AGBL4: variants seen among roughly 807,000 people sequenced by gnomAD.
AGBL4 encodes the protein AGBL carboxypeptidase 4, also known as cytosolic carboxypeptidase 6.
A neutral mutation model predicts 66.4 loss-of-function variants in AGBL4; 58 were observed. That is an observed-to-expected ratio of 0.87 (90% CI 0.71 to 1.09). AGBL4 has a LOEUF of 1.09. Among genes scored for constraint, AGBL4 ranks in the 50% least tolerant of loss-of-function variants. The pLI is 0.00. For synonymous variants in AGBL4, 234 were observed against 222.9 expected (o/e 1.05, Z -0.44); for missense variants, 579 against 631.0 (o/e 0.92, Z 0.88).
chr1:48,850,084 G>T (rs557851507), intron 6 of AGBL4, among the ~76,000 whole-genome samples: 96 of 152,264 alleles, frequency 6.3e-4, no homozygotes, highest in Non-Finnish European at 1.2e-3. Context: ...CCCCTGTCTG[G>T]GCTTCAGTGG....
At chr1:50,015,769 A>G (rs1251344412) in intron 1 of AGBL4, among the ~76,000 whole-genome samples, 1 of 152,212 alleles carries the variant, frequency 6.6e-6, no homozygotes, top group Non-Finnish European at 1.5e-5. Flanking sequence ...ACAGTAACTA[A>G]AACAGCATGG....
intron 3 of AGBL4, among the ~76,000 whole-genome samples, chr1:49,322,447 A>G (rs542390414): frequency 2.0e-5 from 3 of 152,360 alleles, no homozygotes; most frequent in African/African-American, 7.2e-5. Flanking sequence ...TCCAAAATTT[A>G]TGTTCACATC....
chr1:50,022,791 C>T (rs989161184), intron 1 of AGBL4, among the ~76,000 whole-genome samples: 6 of 152,106 alleles, frequency 3.9e-5, no homozygotes, highest in Admixed American at 3.9e-4. Flanking sequence ...CTTTTCTACC[C>T]ACACACCCAT....
chr1:48,909,770 T>C (rs1412313310), intron 5 of AGBL4, among the ~76,000 whole-genome samples: 1 of 152,216 alleles, frequency 6.6e-6, no homozygotes, highest in African/African-American at 2.4e-5. Flanking sequence ...ATTCTTTTAG[T>C]ACATGTAACC....
intron 1 of AGBL4, among the ~76,000 whole-genome samples, chr1:49,899,163 G>A (rs1382414666): frequency 1.3e-5 from 2 of 152,106 alleles, no homozygotes; most frequent in African/African-American, 4.8e-5. Context: ...ATAAATGCTT[G>A]CGGGGATGAA....
chr1:49,020,323 C>T (rs182531357), intron 5 of AGBL4, among the ~76,000 whole-genome samples: 1 of 152,128 alleles, frequency 6.6e-6, no homozygotes, highest in Non-Finnish European at 1.5e-5. Context: ...AGCCCTTGGG[C>T]CTGTAAACAA....
At chr1:49,302,877 A>G (rs1182435778) in intron 3 of AGBL4, among the ~76,000 whole-genome samples, 1 of 151,538 alleles carries the variant, frequency 6.6e-6, no homozygotes, top group East Asian at 1.9e-4. Flanking sequence ...ATGTGTTCTC[A>G]TTGTTCAGCT....
chr1:49,778,967 T>G (rs1644268304), intron 2 of AGBL4, among the ~76,000 whole-genome samples: 1 of 151,998 alleles, frequency 6.6e-6, no homozygotes, highest in Admixed American at 6.6e-5. Context: ...TAAATTAAAT[T>G]TAAAAGATGC....
rs189507176 is a variant in AGBL4, at chr1:49,565,663, C to T, written c.282+131650G>A. ...CTCTTCTGGCTTGTAGAGTTTCTGC[C>T]GAGAGATCCGCTGTTAGTCTGATGG... On this transcript the variant is annotated intron_variant, in intron 3 of 13. Transcript: ENST00000371839. 7.1e-3 allele frequency among the ~76,000 whole-genome samples: 1,077 copies of T among 152,230 alleles called. 10 individuals carry two copies. Among genetic ancestry groups the T allele is most frequent in the South Asian group, 0.029 (140 of 4,822 alleles).
At chr1:48,953,740 G>A (rs1480549433) in intron 5 of AGBL4, among the ~76,000 whole-genome samples, 1 of 152,064 alleles carries the variant, frequency 6.6e-6, no homozygotes, top group African/African-American at 2.4e-5. Flanking sequence ...AGAAGAAAAG[G>A]CCACCATGTA....
intron 1 of AGBL4, among the ~76,000 whole-genome samples, chr1:49,926,934 T>C (rs1019222865): frequency 6.6e-6 from 1 of 152,150 alleles, no homozygotes; most frequent in African/African-American, 2.4e-5. Flanking sequence ...CAATAGGCCA[T>C]CTGCAAGCTG....
chr1:50,019,302 T>TCACACA (rs1293363873), intron 1 of AGBL4, among the ~76,000 whole-genome samples: 3,937 of 69,588 alleles, frequency 0.057, 65 homozygotes, highest in East Asian at 0.25. Context: ...TCTCTCTCTC[T>TCACACA]CTCTCACACA....
chr1:49,754,833 C>T (rs990711875), intron 2 of AGBL4, among the ~76,000 whole-genome samples: 1 of 152,184 alleles, frequency 6.6e-6, no homozygotes, highest in East Asian at 1.9e-4. Flanking sequence ...TGGAGGACAG[C>T]AAATCCAAAA....
At chr1:49,296,048 T>A (rs1471295056) in intron 3 of AGBL4, among the ~76,000 whole-genome samples, 1 of 152,210 alleles carries the variant, frequency 6.6e-6, no homozygotes, top group African/African-American at 2.4e-5. Context: ...ATTATTGAGA[T>A]AAATGGTTTG....
At chr1:48,655,651 A>G (rs1041377000) in intron 7 of AGBL4, among the ~76,000 whole-genome samples, 2 of 152,224 alleles carry the variant, frequency 1.3e-5, no homozygotes, top group African/African-American at 2.4e-5. Context: ...GCATGCTTCA[A>G]TAAACTCACT....
At chr1:48,896,607 A>C (rs1433558480) in intron 5 of AGBL4, among the ~76,000 whole-genome samples, 1 of 152,220 alleles carries the variant, frequency 6.6e-6, no homozygotes, top group Non-Finnish European at 1.5e-5. Context: ...GCCAGAACTC[A>C]GACCTGAGAT....
At chr1:49,990,740 C>T (rs560393127) in intron 1 of AGBL4, among the ~76,000 whole-genome samples, 18 of 152,256 alleles carry the variant, frequency 1.2e-4, no homozygotes, top group South Asian at 2.1e-4. Flanking sequence ...TTTAACAACA[C>T]GAGCCACATT....
In AGBL4 at chr1:49,262,356, C is replaced by G. The variant is rs533167128; in HGVS notation, c.283-16492G>C. ...TGCACAGCAAAAGAAACTACCTTCACAGTGAACAGGCAACCTACAAAATGG... is the reference window on the plus strand; with the variant it reads ...TGCACAGCAAAAGAAACTACCTTCAGAGTGAACAGGCAACCTACAAAATGG... On this transcript the variant is annotated intron_variant, in intron 3 of 13. Coordinates refer to ENST00000371839, the MANE Select transcript of AGBL4 (RefSeq NM_032785.4). Among the ~76,000 whole-genome samples the G allele has an allele frequency of 1.7e-3, 259 of 152,116 alleles. 9 individuals are homozygous for G. The South Asian group carries it at 0.053, about 31-fold the overall frequency.
intron 11 of AGBL4, among the ~76,000 whole-genome samples, chr1:48,571,890 C>A (rs1002813981): frequency 6.6e-6 from 1 of 152,134 alleles, no homozygotes; most frequent in African/African-American, 2.4e-5. Context: ...GTTAATTCAG[C>A]CCCTCATCAG....
Sources: gnomAD v4.1 joint callset for allele counts (sites outside exome capture counted in the v4.1 genomes callset) on GRCh38, gnomAD v4.1.1 for gene constraint, MANE v1.5 for transcripts, NCBI Gene and HGNC (gene_info 2026-07-23, HGNC 2026-07-21) for gene names.